Variants in CLDN16 observed in about 807,000 individuals in gnomAD.
CLDN16 encodes the protein claudin-16.
A neutral mutation model predicts 24.6 loss-of-function variants in CLDN16; 13 were observed. The observed-to-expected ratio is 0.53, with a 90% CI of 0.34 to 0.84. The LOEUF is 0.84. CLDN16 is among the 40% of genes least tolerant of loss of function. The probability of loss-of-function intolerance (pLI) is 0.01; values close to 1 mark genes in which losing one functional copy is unlikely to be tolerated. For missense variants in CLDN16, 298 were observed against 292.7 expected, an observed-to-expected ratio of 1.02 and a Z score of -0.13; for synonymous variants, 116 against 106.7, an observed-to-expected ratio of 1.09 and a Z score of -0.54.
At chr3:190,296,127 C>T in the CLDN16 span, among the ~76,000 whole-genome samples, 5 of 152,268 alleles carry the variant, frequency 3.3e-5, no homozygotes, top group East Asian at 7.7e-4. Context: ...ACTATTTGAG[C>T]TTTACTATGT....
intron 1 of CLDN16, among the ~76,000 whole-genome samples, chr3:190,327,403 C>G (rs539949869): frequency 6.6e-6 from 1 of 152,268 alleles, no homozygotes; most frequent in South Asian, 2.1e-4. Flanking sequence ...CAAGTGGACA[C>G]ATAAAATCAA....
At position 190,410,991 on chromosome 3, in the gene CLDN16, G is replaced by C. The variant is rs1272611410; in HGVS notation, c.*955G>C. 1.3e-5 allele frequency: 2 copies of C among 152,160 alleles called. No homozygotes were observed. Among genetic ancestry groups the C allele is most frequent in the African/African-American group, 2.4e-5 (1 of 41,422 alleles). The allele number at this position is 152,160 out of a possible 1,614,324, so 9.4% of individuals were successfully genotyped here. On this transcript the variant is annotated 3_prime_UTR_variant, in exon 5 of 5. Transcript: ENST00000264734. ...AAAAATCAATGTTGCGGCTGGGCAC[G>C]GTAGCTCGCGTCTGTAATCCCCGCA...
intron 1 of CLDN16, among the ~76,000 whole-genome samples, chr3:190,344,364 T>C (rs896838131): frequency 2.0e-4 from 30 of 151,962 alleles, no homozygotes; most frequent in African/African-American, 7.0e-4. Context: ...GTATTAAAAG[T>C]ACTACAGATA....
Position 190,348,901 on chromosome 3 carries a change from G to T in CLDN16, n.122-21992G>T, listed in dbSNP as rs536212155. ...CTCATCATTTAGCTCCCACTTATAA[G>T]TGAGAACATGTGATGTCTGGTTTTC... On this transcript the variant is annotated intron_variant and non_coding_transcript_variant, in intron 1 of 4. Transcript: ENST00000468220. 6.7e-4 allele frequency among the ~76,000 whole-genome samples: 102 copies of T among 152,278 alleles called. 1 individual carries two copies. The South Asian group carries it at 0.021, about 31-fold the overall frequency.
At chr3:190,405,428 G>GAA (rs542527344) in intron 3 of CLDN16, among the ~76,000 whole-genome samples, 1,698 of 80,826 alleles carry the variant, frequency 0.021, 52 homozygotes, top group African/African-American at 0.062. Context: ...CCGTCTCACG[G>GAA]AAAAAAAAAA....
intron 1 of CLDN16, among the ~76,000 whole-genome samples, chr3:190,341,177 G>A (rs117295755): frequency 2.6e-5 from 4 of 152,228 alleles, no homozygotes; most frequent in East Asian, 1.9e-4. Flanking sequence ...TTCACAGTTC[G>A]ACTAGGTGGT....
intron 1 of CLDN16, among the ~76,000 whole-genome samples, chr3:190,362,375 A>C (rs1717909169): frequency 6.6e-6 from 1 of 151,914 alleles, no homozygotes; most frequent in South Asian, 2.1e-4. Flanking sequence ...CAGGAACAGA[A>C]GACAGCAAGA....
At chr3:190,372,007 T>G (rs1439366683) in intron 2 of CLDN16, among the ~76,000 whole-genome samples, 1 of 151,830 alleles carries the variant, frequency 6.6e-6, no homozygotes, top group African/African-American at 2.4e-5. Flanking sequence ...CATATAAGGG[T>G]GTCTTAGTCT....
At chr3:190,382,517 T>G (rs901745847) in intron 3 of CLDN16, among the ~76,000 whole-genome samples, 4 of 152,136 alleles carry the variant, frequency 2.6e-5, no homozygotes, top group African/African-American at 4.8e-5. Context: ...ATGAACTGAT[T>G]CATGAATTTT....
At chr3:190,323,511 G>A (rs1034478320) in intron 1 of CLDN16, among the ~76,000 whole-genome samples, 1 of 152,208 alleles carries the variant, frequency 6.6e-6, no homozygotes. Flanking sequence ...TGCTGTTGTG[G>A]TTAGGAATCA....
At chr3:190,380,272 T>TCCTTC (rs1282830158) in intron 3 of CLDN16, among the ~76,000 whole-genome samples, 1 of 150,376 alleles carries the variant, frequency 6.6e-6, no homozygotes, top group Admixed American at 6.7e-5. Context: ...CTTCCTTCCT[T>TCCTTC]CTGTTTTTTG....
intron 1 of CLDN16, among the ~76,000 whole-genome samples, chr3:190,328,887 A>AT (rs1167278304): frequency 6.6e-6 from 1 of 152,192 alleles, no homozygotes; most frequent in Non-Finnish European, 1.5e-5. Context: ...TGGCAATACT[A>AT]TGCAGCTCTA....
chr3:190,360,940 A>C (rs1419632200), intron 1 of CLDN16, among the ~76,000 whole-genome samples: 1 of 151,986 alleles, frequency 6.6e-6, no homozygotes, highest in African/African-American at 2.4e-5. Flanking sequence ...GCTATTATTA[A>C]ATGTGATAAA....
the CLDN16 span, among the ~76,000 whole-genome samples, chr3:190,304,313 T>G: frequency 6.6e-6 from 1 of 152,154 alleles, no homozygotes; most frequent in African/African-American, 2.4e-5. Context: ...TTACTTCTCT[T>G]TCCACCTAAC....
At chr3:190,383,942 G>A (rs1047729460), upstream of CLDN16, among the ~76,000 whole-genome samples, 1 of 152,006 alleles carries the variant, frequency 6.6e-6, no homozygotes, top group Non-Finnish European at 1.5e-5. Context: ...CTTTACAAAC[G>A]TTATTCATTT....
chr3:190,385,186 A>G (rs1204095475), upstream of CLDN16, among the ~76,000 whole-genome samples: 4 of 152,140 alleles, frequency 2.6e-5, no homozygotes, highest in Admixed American at 2.0e-4. Context: ...TTAAACTATA[A>G]AAGAGTTGAT....
chr3:190,340,842 T>A (rs181926110), intron 1 of CLDN16, among the ~76,000 whole-genome samples: 5,963 of 152,210 alleles, frequency 0.039, 391 homozygotes, highest in African/African-American at 0.13. Flanking sequence ...ATTGGGTAAA[T>A]ATAGCCATTC....
At chr3:190,400,553 C>T (rs181449709) in intron 1 of CLDN16, among the ~76,000 whole-genome samples, 42 of 152,248 alleles carry the variant, frequency 2.8e-4, no homozygotes, top group African/African-American at 1.0e-3. Flanking sequence ...TTATAGCTTC[C>T]ACATATGAGT....
intron 1 of CLDN16, among the ~76,000 whole-genome samples, chr3:190,393,747 C>CT (rs58465741): frequency 0.44 from 51,142 of 115,032 alleles, 11,414 homozygotes; most frequent in East Asian, 0.53. Context: ...TGTCATTTGC[C>CT]TTTTTTTTTT....
Sources: allele counts gnomAD v4.1 joint callset (sites outside exome capture counted in the v4.1 genomes callset), GRCh38; gene constraint gnomAD v4.1.1; transcripts MANE v1.5; gene names NCBI Gene and HGNC (gene_info 2026-07-23, HGNC 2026-07-21).